AGMO: variants seen among roughly 807,000 people sequenced by gnomAD.
AGMO encodes the protein alkylglycerol monooxygenase.
A neutral mutation model predicts 60.2 loss-of-function variants in AGMO; 75 were observed. The observed-to-expected ratio is 1.25, with a 90% CI of 1.03 to 1.51. The LOEUF (loss-of-function observed/expected upper bound fraction) is 1.51. Among genes scored for constraint, AGMO ranks in the 40% most tolerant of loss-of-function variants. The pLI, the probability that AGMO is intolerant of heterozygous loss-of-function variation, is 0.00. For missense variants in AGMO, 763 were observed against 525.5 expected (o/e 1.45, Z -4.42); for synonymous variants, 261 against 177.1 (o/e 1.47, Z -3.76).
intron 2 of AGMO, among the ~76,000 whole-genome samples, chr7:15,553,555 T>C (rs942829284): frequency 4.0e-5 from 6 of 151,816 alleles, no homozygotes; most frequent in African/African-American, 1.2e-4. Context: ...ACAGGGCAAA[T>C]GCCACCAGCC....
At chr7:15,144,892 C>T in the AGMO span, among the ~76,000 whole-genome samples, 2 of 152,172 alleles carry the variant, frequency 1.3e-5, no homozygotes, top group South Asian at 2.1e-4. Context: ...TGCAGTGGTG[C>T]GATCTCTGCT....
the AGMO span, among the ~76,000 whole-genome samples, chr7:15,194,948 G>C: frequency 6.6e-6 from 1 of 152,316 alleles, no homozygotes; most frequent in East Asian, 1.9e-4. Flanking sequence ...AGAAGGGGAT[G>C]TGTTAGTTGC....
At chr7:15,538,956 A>T (rs574854631) in intron 3 of AGMO, among the ~76,000 whole-genome samples, 16 of 152,280 alleles carry the variant, frequency 1.1e-4, no homozygotes, top group Middle Eastern at 6.8e-3. Flanking sequence ...GAGGAAAAAA[A>T]GTTACAGTTT....
intron 9 of AGMO, 112 bp downstream of exon 9, chr7:15,387,294 G>C (rs1783955038): frequency 1.6e-6 from 2 of 1,257,450 alleles, no homozygotes; most frequent in Non-Finnish European, 2.2e-6. Flanking sequence ...GCATCTGACT[G>C]GGGGAACATC....
Position 15,531,070 on chromosome 7 carries a change from T to A in AGMO, c.409+13702A>T, listed in dbSNP as rs1356155372. 4.6e-3 allele frequency among the ~76,000 whole-genome samples: 367 copies of A among 80,174 alleles called. 34 individuals are homozygous for A. Among genetic ancestry groups the A allele is most frequent in the African/African-American group, 0.015 (309 of 19,936 alleles). The allele number at this position is 80,174 out of a possible 152,430, so 52.6% of individuals were successfully genotyped here. ...TATTCTATATATATTCTGTATATAT[T>A]CTATATATATTCTATATATATATTC... is the stretch of plus-strand genomic sequence containing the variant. On this transcript the variant is annotated intron_variant, in intron 3 of 12. Transcript: ENST00000342526.
At chr7:15,417,006 A>T (rs1047729962) in intron 5 of AGMO, among the ~76,000 whole-genome samples, 1 of 152,210 alleles carries the variant, frequency 6.6e-6, no homozygotes, top group Non-Finnish European at 1.5e-5. Context: ...ATTTGTAAAC[A>T]AACTATTCTA....
At chr7:15,354,598 T>C (rs1782448273) in intron 12 of AGMO, among the ~76,000 whole-genome samples, 1 of 138,222 alleles carries the variant, frequency 7.2e-6, no homozygotes, top group South Asian at 2.5e-4. Flanking sequence ...GATGGAATGA[T>C]ACATCTTGAG....
At chr7:15,150,555 G>A in the AGMO span, among the ~76,000 whole-genome samples, 4 of 151,812 alleles carry the variant, frequency 2.6e-5, no homozygotes, top group East Asian at 1.9e-4. Flanking sequence ...TGCATCTATC[G>A]AGATCAAGTG....
intron 3 of AGMO, among the ~76,000 whole-genome samples, chr7:15,542,344 T>G (rs1784651246): frequency 6.6e-6 from 1 of 152,278 alleles, no homozygotes; most frequent in Admixed American, 6.5e-5. Context: ...TGGATTCAGT[T>G]CAAAATTTCT....
Position 15,387,494 on chromosome 7 carries a change from C to G in AGMO, c.869G>C (p.Gly290Ala). 6.2e-7 allele frequency: 1 copy of G among 1,613,800 alleles called. No homozygotes were observed. The highest frequency in any genetic ancestry group is 1.1e-5 in the South Asian group (1 of 91,052). The change falls in exon 9 of 13, where the codon GGA becomes GCA. Residue 290 changes from glycine to alanine, a missense_variant. By Grantham distance (60) the Gly-to-Ala change is moderately conservative. Coordinates refer to ENST00000342526, the MANE Select transcript of AGMO (RefSeq NM_001004320.2). The stretch of plus-strand genomic sequence containing the variant: ...TATGACAGAAAACTTATTGAAGAAT[C>G]CAGGTGTGGCCCAGAATGTAGTCCA... ...SIWTTFWATP[G>A]FFNKFSVIFK...
chr7:15,411,706 C>T (rs1415522938), intron 5 of AGMO, among the ~76,000 whole-genome samples: 1 of 151,898 alleles, frequency 6.6e-6, no homozygotes, highest in East Asian at 1.9e-4. Flanking sequence ...TTCCTATCTA[C>T]ACAAATGGTG....
intron 3 of AGMO, among the ~76,000 whole-genome samples, chr7:15,437,736 T>G (rs1781440751): frequency 6.6e-6 from 1 of 152,110 alleles, no homozygotes; most frequent in African/African-American, 2.4e-5. Flanking sequence ...GAGACGGGGT[T>G]TCACCGTGTT....
At chr7:15,213,373 T>C (rs994679101) in intron 12 of AGMO, among the ~76,000 whole-genome samples, 3 of 151,672 alleles carry the variant, frequency 2.0e-5, no homozygotes, top group African/African-American at 4.8e-5. Context: ...AGGGTAGAAA[T>C]AGAAAATCTC....
intron 3 of AGMO, among the ~76,000 whole-genome samples, chr7:15,432,918 G>A (rs974921819): frequency 3.3e-5 from 5 of 151,916 alleles, no homozygotes; most frequent in African/African-American, 1.2e-4. Context: ...GGTGGACGTT[G>A]AATAAGAGGT....
chr7:15,555,292 TACACAC>T (rs58173194), intron 2 of AGMO, among the ~76,000 whole-genome samples: 7,826 of 95,474 alleles, frequency 0.082, 464 homozygotes, highest in African/African-American at 0.17. Context: ...TATATATATA[TACACAC>T]ACACACACAC....
intron 3 of AGMO, among the ~76,000 whole-genome samples, chr7:15,487,082 A>G (rs900968196): frequency 1.3e-5 from 2 of 152,228 alleles, no homozygotes; most frequent in Non-Finnish European, 2.9e-5. Flanking sequence ...TAAATTACTT[A>G]TTTTAAAATT....
chr7:15,409,015 T>A (rs550751910), intron 5 of AGMO, among the ~76,000 whole-genome samples: 1 of 151,688 alleles, frequency 6.6e-6, no homozygotes, highest in South Asian at 2.1e-4. Context: ...ATTTGAGAAA[T>A]GGAAAACGGT....
intron 4 of AGMO, among the ~76,000 whole-genome samples, chr7:15,426,477 G>A (rs560483879): frequency 1.3e-5 from 2 of 152,038 alleles, no homozygotes; most frequent in African/African-American, 4.8e-5. Flanking sequence ...CCCCAGGCGC[G>A]GTGGCTCATG....
rs183703227 is a variant in AGMO at position 15,349,843 on chromosome 7, T to C, written c.1263+15671A>G. ...CAGGTCTGGTGAGAACTCACTATCA[T>C]GAGAACAAGATGGGAGTAACCTCCC... On this transcript the variant is annotated intron_variant, in intron 12 of 12. Transcript: ENST00000342526. Among the ~76,000 whole-genome samples the C allele has an allele frequency of 1.1e-3, 167 of 152,196 alleles. 2 individuals carry two copies. The highest frequency in any genetic ancestry group is 3.7e-3 in the African/African-American group (155 of 41,542).
Sources: allele counts gnomAD v4.1 joint callset (sites outside exome capture counted in the v4.1 genomes callset), GRCh38; gene constraint gnomAD v4.1.1; transcripts MANE v1.5; gene names NCBI Gene and HGNC (gene_info 2026-07-23, HGNC 2026-07-21).